NISCH: variants seen among roughly 807,000 people sequenced by gnomAD.
NISCH encodes the protein I-1 receptor candidate protein.
Under a neutral mutation model 138.4 loss-of-function variants are expected in NISCH, and 55 were observed. The ratio of observed to expected loss-of-function variants is 0.40; its 90% CI spans 0.32 to 0.50. The LOEUF (loss-of-function observed/expected upper bound fraction) is 0.50. Among genes scored for constraint, NISCH ranks in the 20% least tolerant of loss-of-function variants. The probability of loss-of-function intolerance (pLI) is 0.71; values close to 1 mark genes in which losing one functional copy is unlikely to be tolerated. For missense variants in NISCH, 1,643 were observed against 2,005.5 expected (o/e 0.82, Z 3.45); for synonymous variants, 860 against 861.5 (o/e 1.00, Z 0.03).
At chr3:52,459,544 C>T (rs1468584710) in intron 3 of NISCH, among the ~76,000 whole-genome samples, 2 of 152,158 alleles carry the variant, frequency 1.3e-5, no homozygotes, top group Non-Finnish European at 2.9e-5. Flanking sequence ...AGCAATTCTC[C>T]TGCCTCAGCC....
chr3:52,488,635 C>CG (rs1707476778), intron 16 of NISCH, 30 bp downstream of exon 16: 4 of 1,551,022 alleles, frequency 2.6e-6, no homozygotes, highest in Admixed American at 1.8e-5. Flanking sequence ...TCAGGGGCCC[C>CG]GGGGGCATGG....
rs915401084 is a variant in NISCH at position 52,478,587 on chromosome 3, A to G, written c.1302+10A>G. 1.2e-6 allele frequency: 2 copies of G among 1,613,860 alleles called. No homozygotes were observed. The highest frequency in any genetic ancestry group is 8.5e-7 in the Non-Finnish European group (1 of 1,179,770). On this transcript the variant is annotated intron_variant, in intron 11 of 20. Coordinates refer to ENST00000345716, the MANE Select transcript of NISCH (RefSeq NM_007184.4). ...AGAGAGGGCCTCAGAGGTGAGCCCC[A>G]GCACAGTCAGAAGAGCCCAGGGAGA...
At chr3:52,489,967 G>C in intron 17 of NISCH, 108 bp from the exon 18 acceptor site, 1 of 1,460,134 alleles carries the variant, frequency 6.8e-7, no homozygotes, top group African/African-American at 1.4e-5. Flanking sequence ...GGATTCATTG[G>C]TGAGCCAAGA....
chr3:52,484,271 G>T, intron 13 of NISCH: 1 of 456,824 alleles, frequency 2.2e-6, no homozygotes, highest in Non-Finnish European at 3.9e-6. Context: ...TTTTTCCATT[G>T]CATTTATTCT....
intron 3 of NISCH, among the ~76,000 whole-genome samples, chr3:52,468,314 A>C (rs1419078539): frequency 2.0e-5 from 3 of 151,972 alleles, no homozygotes; most frequent in Non-Finnish European, 2.9e-5. Context: ...ATCGTGGGGA[A>C]CCCTTTCTCC....
In NISCH at chr3:52,487,307, C is replaced by T; in HGVS notation, c.1815C>T (p.Arg605=). The T allele has an allele frequency of 6.2e-7, 1 of 1,614,186 alleles. No individual in the cohort carries two copies. The highest frequency in any genetic ancestry group is 1.1e-5 in the South Asian group (1 of 91,090). The part of the protein sequence containing the change: ...YTATNQDFIQ[R]LSTLIRQAIE... ...CCACCAATCAGGACTTCATCCAGCG[C>T]CTGAGCACACTGATCCGGCAGGCCA... The change falls in exon 16 of 21, where the codon CGC becomes CGT. Residue 605 remains arginine, a synonymous_variant. Transcript: ENST00000345716. The surrounding 1 kb of genome is among the most constrained non-coding windows in gnomAD (Gnocchi z 9.1).
At chr3:52,475,818 T>G (rs1264575527) in intron 7 of NISCH, 1 of 152,638 alleles carries the variant, frequency 6.6e-6, no homozygotes, top group Non-Finnish European at 1.5e-5. Context: ...TACTCCAGCC[T>G]GGGTGACAGA....
chr3:52,459,634 A>G (rs1706575498), intron 3 of NISCH, among the ~76,000 whole-genome samples: 1 of 151,736 alleles, frequency 6.6e-6, no homozygotes, highest in African/African-American at 2.4e-5. Flanking sequence ...GGGTTTCACC[A>G]TGTTGGCCAG....
In NISCH at chr3:52,484,996, C is replaced by T. The variant is rs577720560; in HGVS notation, c.1653+359C>T. Among the ~76,000 whole-genome samples the T allele has an allele frequency of 3.9e-5, 6 of 152,238 alleles. No homozygotes were observed. In the South Asian group the frequency reaches 8.3e-4, roughly 21 times the overall value. ...TGGGGAAGGCATTTCAAAAGACCCT[C>T]GTGCAGGGGCTTGTTTGGGTTTCTT... On this transcript the variant is annotated intron_variant, in intron 14 of 20. Coordinates refer to ENST00000345716, the MANE Select transcript of NISCH (RefSeq NM_007184.4).
At chr3:52,466,926 C>T (rs1706796528) in intron 3 of NISCH, among the ~76,000 whole-genome samples, 3 of 151,802 alleles carry the variant, frequency 2.0e-5, no homozygotes, top group Admixed American at 1.3e-4. Context: ...TGCGGCTGAT[C>T]TCTTGGTCAG....
rs189800921 is a variant in NISCH at position 52,470,159 on chromosome 3, A to G, written c.361-700A>G. On this transcript the variant is annotated intron_variant, in intron 3 of 20. Coordinates refer to ENST00000345716, the MANE Select transcript of NISCH (RefSeq NM_007184.4). Reference sequence around the variant, plus strand: ...ATGTTGGGAGGATTCAGGAGCCTTCAGTGGCTCAGGGCATGACCCAGTATG... The same window carrying G: ...ATGTTGGGAGGATTCAGGAGCCTTCGGTGGCTCAGGGCATGACCCAGTATG... 1.3e-4 allele frequency among the ~76,000 whole-genome samples: 19 copies of G among 151,820 alleles called. No individual in the cohort carries two copies. The East Asian group carries it at 3.1e-3, about 25-fold the overall frequency.
At position 52,458,673 on chromosome 3, in the gene NISCH, G is replaced by C; in HGVS notation, c.189G>C (p.Glu63Asp). 1 of 1,612,894 alleles carries C rather than the reference G, an allele frequency of 6.2e-7. No homozygotes were observed. The change falls in exon 3 of 21, where the codon GAG becomes GAC. Residue 63 changes from glutamate to aspartate, a missense_variant. Transcript: ENST00000345716. ...FHDLHEKLVA[E>D]RKIDKNLLPP... ...ATGTTTTTTTACAGCTCGTTGCAGA[G>C]AGAAAGATTGATAAAAATCTGCTTC...
At chr3:52,483,893 G>A (rs1299983776) in intron 13 of NISCH, among the ~76,000 whole-genome samples, 2 of 152,238 alleles carry the variant, frequency 1.3e-5, no homozygotes, top group Non-Finnish European at 2.9e-5. Context: ...TGCCTGTGCC[G>A]GCCTCTGCCC....
In NISCH at chr3:52,476,502, C is replaced by A; in HGVS notation, c.821C>A (p.Thr274Asn). Residue 274 changes from threonine to asparagine, a missense_variant, in exon 8 of 21, where the codon ACC becomes AAC. Thr to Asn is a moderately conservative substitution (Grantham distance 65). Transcript: ENST00000345716. Reference protein sequence around the residue: ...EFDEWEPEGTTLEGPVTAVIP... With the variant: ...EFDEWEPEGTNLEGPVTAVIP... ...GATGAGTGGGAGCCTGAAGGCACAA[C>A]CCTAGAAGGCCCTGTGACTGCCGTC... 6.2e-7 allele frequency: 1 copy of A among 1,614,066 alleles called. No individual in the cohort carries two copies. Among genetic ancestry groups the A allele is most frequent in the Non-Finnish European group, 8.5e-7 (1 of 1,179,994 alleles).
At chr3:52,479,593 G>C (rs1437223654) in intron 11 of NISCH, among the ~76,000 whole-genome samples, 156 bp from the exon 12 acceptor site, 1 of 152,074 alleles carries the variant, frequency 6.6e-6, no homozygotes, top group East Asian at 1.9e-4. Flanking sequence ...TCCTCACGTG[G>C]CCTGGCCCAC....
At chr3:52,479,218 C>T (rs1311710137) in intron 11 of NISCH, among the ~76,000 whole-genome samples, 2 of 152,166 alleles carry the variant, frequency 1.3e-5, no homozygotes, top group Non-Finnish European at 2.9e-5. Flanking sequence ...CAGCTCCTGT[C>T]CAGGCCCTTG....
intron 13 of NISCH, 172 bp downstream of exon 13, chr3:52,480,467 C>T (rs1321682976): frequency 1.3e-6 from 2 of 1,534,234 alleles, no homozygotes; most frequent in African/African-American, 1.4e-5. Context: ...GGCAGGGGTG[C>T]CTGGCCTGAT....
rs760516604 is a variant in NISCH at position 52,470,849 on chromosome 3, TTC to T, written c.361-6_361-5del. Reference sequence around the variant, plus strand: ...GGACTTTCTAAGGGCAAATTTTGTGTTCTCTGCAGGAGATAAATGGCATCACC... The same window carrying T: ...GGACTTTCTAAGGGCAAATTTTGTGTTCTGCAGGAGATAAATGGCATCACC... On this transcript the variant is annotated splice_region_variant and splice_polypyrimidine_tract_variant and intron_variant, in intron 3 of 20. Transcript: ENST00000345716. 1.7e-5 allele frequency: 27 copies of T among 1,613,974 alleles called. No individual in the cohort carries two copies. Among genetic ancestry groups the T allele is most frequent in the South Asian group, 1.4e-4 (13 of 91,082 alleles).
At chr3:52,480,919 G>C (rs918576238) in intron 13 of NISCH, 7 of 1,533,982 alleles carry the variant, frequency 4.6e-6, no homozygotes, top group Non-Finnish European at 6.1e-6. Context: ...TCTCATGAGC[G>C]TGTCTGCTGG....
Sources: gnomAD v4.1 joint callset for allele counts (sites outside exome capture counted in the v4.1 genomes callset) on GRCh38, gnomAD v4.1.1 for gene constraint, Gnocchi (gnomAD v3.1) non-coding constraint, MANE v1.5 for transcripts, NCBI Gene and HGNC (gene_info 2026-07-23, HGNC 2026-07-21) for gene names.